The following ZFPM2 variants were observed in gnomAD, a reference collection of about 807,000 sequenced individuals.
The protein encoded by ZFPM2 is zinc finger protein ZFPM2.
Under a neutral mutation model 98.6 loss-of-function variants are expected in ZFPM2, and 20 were observed. The ratio of observed to expected loss-of-function variants is 0.20; its 90% CI spans 0.14 to 0.29. ZFPM2 has a LOEUF of 0.29. Ranked by LOEUF, ZFPM2 falls within the 10% of genes least tolerant of loss-of-function variation. The pLI is 1.00. For synonymous variants in ZFPM2, 518 were observed against 502.7 expected, an observed-to-expected ratio of 1.03 and a Z score of -0.41; for missense variants, 1,310 against 1,388.6, an observed-to-expected ratio of 0.94 and a Z score of 0.90.
chr8:105,793,782 TTTC>T (rs1813701934), intron 6 of ZFPM2, among the ~76,000 whole-genome samples: 1 of 150,950 alleles, frequency 6.6e-6, no homozygotes, highest in Admixed American at 6.6e-5. Flanking sequence ...GCTTTGTTTG[TTTC>T]TTTTTATTCT....
chr8:105,637,297 G>C (rs1486767267), intron 5 of ZFPM2, among the ~76,000 whole-genome samples: 1 of 151,842 alleles, frequency 6.6e-6, no homozygotes, highest in African/African-American at 2.4e-5. Flanking sequence ...AAAACCACTC[G>C]GGCTTTTATC....
chr8:105,713,481 G>C (rs1003479074), intron 5 of ZFPM2, among the ~76,000 whole-genome samples: 1 of 152,058 alleles, frequency 6.6e-6, no homozygotes, highest in Non-Finnish European at 1.5e-5. Flanking sequence ...TGTTTACCCT[G>C]TTGATAGTTT....
intron 5 of ZFPM2, among the ~76,000 whole-genome samples, chr8:105,751,230 A>C (rs1411552839): frequency 6.6e-6 from 1 of 152,132 alleles, no homozygotes; most frequent in Non-Finnish European, 1.5e-5. Context: ...AGGAAATTCA[A>C]AATGGATTAC....
At chr8:105,609,582 A>G (rs1816264267) in intron 4 of ZFPM2, among the ~76,000 whole-genome samples, 1 of 152,192 alleles carries the variant, frequency 6.6e-6, no homozygotes, top group Non-Finnish European at 1.5e-5. Context: ...TTACATGGAA[A>G]TGTGCGTTCT....
chr8:105,520,895 T>G (rs1814040035), intron 3 of ZFPM2, among the ~76,000 whole-genome samples: 1 of 151,926 alleles, frequency 6.6e-6, no homozygotes, highest in South Asian at 2.1e-4. Flanking sequence ...GGCCTTAAAG[T>G]GTTGAGATTA....
intron 4 of ZFPM2, among the ~76,000 whole-genome samples, chr8:105,583,206 A>G (rs1365048891): frequency 6.6e-6 from 1 of 152,104 alleles, no homozygotes; most frequent in Non-Finnish European, 1.5e-5. Flanking sequence ...TGGAATATCT[A>G]TATTTTTCAC....
chr8:105,725,527 T>A (rs557969747), intron 5 of ZFPM2, among the ~76,000 whole-genome samples: 109 of 151,910 alleles, frequency 7.2e-4, no homozygotes, highest in Admixed American at 3.5e-3. Context: ...GGGATACTTT[T>A]GAGAGTAAAT....
At chr8:105,772,672 A>C (rs1813006660) in intron 5 of ZFPM2, among the ~76,000 whole-genome samples, 2 of 152,192 alleles carry the variant, frequency 1.3e-5, no homozygotes, top group South Asian at 4.1e-4. Flanking sequence ...ATCTGTTCAA[A>C]GAGTTTTATT....
intron 3 of ZFPM2, among the ~76,000 whole-genome samples, chr8:105,488,719 G>A (rs1247476758): frequency 1.3e-5 from 2 of 151,994 alleles, no homozygotes; most frequent in African/African-American, 2.4e-5. Context: ...AGCCGAGATC[G>A]CACCACTGCA....
At chr8:105,514,730 T>G (rs1454337440) in intron 3 of ZFPM2, among the ~76,000 whole-genome samples, 1 of 152,226 alleles carries the variant, frequency 6.6e-6, no homozygotes, top group Non-Finnish European at 1.5e-5. Flanking sequence ...GCTTTCATCC[T>G]ACCTATGCTC....
intron 5 of ZFPM2, among the ~76,000 whole-genome samples, chr8:105,685,451 A>G (rs1220712072): frequency 6.6e-6 from 1 of 152,104 alleles, no homozygotes; most frequent in Non-Finnish European, 1.5e-5. Context: ...TTGAAGATCT[A>G]TAGTCTGCTT....
intron 3 of ZFPM2, among the ~76,000 whole-genome samples, chr8:105,482,718 C>A (rs1563678990): frequency 6.6e-6 from 1 of 152,004 alleles, no homozygotes; most frequent in African/African-American, 2.4e-5. Context: ...ACCCAGGACA[C>A]CCTCCTATTT....
chr8:105,800,702 A>G (rs955930027), intron 7 of ZFPM2, among the ~76,000 whole-genome samples: 8 of 152,148 alleles, frequency 5.3e-5, no homozygotes, highest in African/African-American at 1.9e-4. Context: ...TAGTAATTAT[A>G]AAATCCAAGG....
intron 4 of ZFPM2, among the ~76,000 whole-genome samples, chr8:105,599,353 G>A (rs1816041947): frequency 6.8e-6 from 1 of 146,676 alleles, no homozygotes; most frequent in African/African-American, 2.5e-5. Context: ...CCTCCCATCT[G>A]CTTGTCAGTT....
chr8:105,462,539 C>T (rs1317247626), intron 3 of ZFPM2, among the ~76,000 whole-genome samples: 1 of 152,126 alleles, frequency 6.6e-6, no homozygotes, highest in Non-Finnish European at 1.5e-5. Flanking sequence ...CTCCATTCCC[C>T]TGCTCAGTAA....
intron 4 of ZFPM2, among the ~76,000 whole-genome samples, chr8:105,579,058 C>T (rs922940959): frequency 1.1e-4 from 17 of 151,748 alleles, no homozygotes; most frequent in African/African-American, 3.9e-4. Flanking sequence ...TATAATGACA[C>T]GTGGAATACT....
At chr8:105,342,001 AC>A (rs1279877896) in intron 1 of ZFPM2, among the ~76,000 whole-genome samples, 1 of 152,042 alleles carries the variant, frequency 6.6e-6, no homozygotes, top group East Asian at 1.9e-4. Flanking sequence ...CTCAGGGAGA[AC>A]GTGAGTTGGG....
intron 1 of ZFPM2, among the ~76,000 whole-genome samples, chr8:105,366,359 GGC>G (rs1810512026): frequency 6.6e-6 from 1 of 151,918 alleles, no homozygotes; most frequent in Admixed American, 6.6e-5. Context: ...TCACTGAGGA[GGC>G]ATCTTTTAAC....
At chr8:105,703,480 G>A (rs1405774022) in intron 5 of ZFPM2, among the ~76,000 whole-genome samples, 1 of 152,140 alleles carries the variant, frequency 6.6e-6, no homozygotes, top group Non-Finnish European at 1.5e-5. Context: ...GGGCAATCGA[G>A]GTACACAAAG....
Sources: allele counts gnomAD v4.1 joint callset (sites outside exome capture counted in the v4.1 genomes callset), GRCh38; gene constraint gnomAD v4.1.1; transcripts MANE v1.5; gene names NCBI Gene and HGNC (gene_info 2026-07-23, HGNC 2026-07-21).